The following ZFHX3 variants were observed in gnomAD, a reference collection of about 807,000 sequenced individuals.
ZFHX3 encodes zinc finger homeobox protein 3.
A neutral mutation model predicts 279.1 loss-of-function variants in ZFHX3; 42 were observed. The observed-to-expected ratio is 0.15, with a 90% CI of 0.12 to 0.19. The LOEUF (loss-of-function observed/expected upper bound fraction) is 0.19, where lower values mean the gene tolerates loss of function less well. Ranked by LOEUF, ZFHX3 falls within the 10% of genes least tolerant of loss-of-function variation. The pLI, the probability that ZFHX3 is intolerant of heterozygous loss-of-function variation, is 1.00. For synonymous variants in ZFHX3, 2,293 were observed against 1,957.8 expected, an observed-to-expected ratio of 1.17 and a Z score of -4.52; for missense variants, 4,981 against 4,754.0, an observed-to-expected ratio of 1.05 and a Z score of -1.40.
At chr16:73,155,184 A>AC (rs1555501455) in intron 5 of ZFHX3, among the ~76,000 whole-genome samples, 22 of 139,752 alleles carry the variant, frequency 1.6e-4, no homozygotes, top group South Asian at 2.1e-4. Context: ...AAAAAACAAA[A>AC]AAAAAAAAAA....
rs1179089696 is a variant in ZFHX3 at position 73,682,890 on chromosome 16, G to T, written c.-1607-2650C>A. ...AGAAAGAAAGAAAGAAAGAAAGAAA[G>T]AAAGAAAGAAAGAAAGAGAAAGAAA... On this transcript the variant is annotated intron_variant, in intron 1 of 17. Transcript: ENST00000641206. 4.3e-5 allele frequency among the ~76,000 whole-genome samples: 2 copies of T among 46,088 alleles called. 1 individual carries two copies. Among genetic ancestry groups the T allele is most frequent in the Non-Finnish European group, 8.3e-5 (2 of 24,116 alleles). The allele number at this position is 46,088 out of a possible 152,430, so 30.2% of individuals were successfully genotyped here.
At chr16:73,368,534 T>C (rs988856770) in intron 3 of ZFHX3, among the ~76,000 whole-genome samples, 1 of 152,182 alleles carries the variant, frequency 6.6e-6, no homozygotes, top group Non-Finnish European at 1.5e-5. Flanking sequence ...TCAGTAGTTA[T>C]TAAACTATGA....
chr16:73,180,371 GT>G (rs1054822009), intron 5 of ZFHX3, among the ~76,000 whole-genome samples: 8 of 152,088 alleles, frequency 5.3e-5, no homozygotes, highest in African/African-American at 1.9e-4. Context: ...TTACTCTGAA[GT>G]TTGGTCTAGA....
chr16:72,989,250 C>T (rs1035922246), intron 1 of ZFHX3, among the ~76,000 whole-genome samples: 17 of 151,866 alleles, frequency 1.1e-4, no homozygotes, highest in Admixed American at 4.6e-4. Context: ...CTTGGGAGGC[C>T]GAAGCGGGTG....
At chr16:72,927,928 GAGGACTAAGACTCAGTA>G (rs997274144) in intron 3 of ZFHX3, among the ~76,000 whole-genome samples, 1 of 150,998 alleles carries the variant, frequency 6.6e-6, no homozygotes, top group Non-Finnish European at 1.5e-5. Flanking sequence ...GGAAGGTGGG[GAGGACTAAGACTCAGTA>G]ATTGTTTAAT....
intron 1 of ZFHX3, among the ~76,000 whole-genome samples, chr16:73,798,871 G>A (rs928783680): frequency 6.6e-6 from 1 of 152,158 alleles, no homozygotes; most frequent in Non-Finnish European, 1.5e-5. Flanking sequence ...GAGATTTTAG[G>A]ACACGAAAAC....
At chr16:73,403,436 G>A (rs1333326940) in intron 3 of ZFHX3, among the ~76,000 whole-genome samples, 1 of 152,228 alleles carries the variant, frequency 6.6e-6, no homozygotes, top group Non-Finnish European at 1.5e-5. Context: ...ATCTGCACGG[G>A]TGTGTGAAGG....
chr16:73,681,267 G>C (rs1276838239), intron 1 of ZFHX3, among the ~76,000 whole-genome samples: 1 of 152,130 alleles, frequency 6.6e-6, no homozygotes, highest in Non-Finnish European at 1.5e-5. Flanking sequence ...TTAGAAGAGT[G>C]ATAAATAGTG....
Position 72,958,002 on chromosome 16 carries a change from C to A in ZFHX3, c.2144G>T (p.Arg715Leu). 1 of 1,606,760 alleles carries A rather than the reference C, an allele frequency of 6.2e-7. No individual in the cohort carries two copies. Among genetic ancestry groups the A allele is most frequent in the Non-Finnish European group, 8.5e-7 (1 of 1,177,086 alleles). ...KSGQPHPRLA[R>L]GESYTCGYKP... ...GTAACCACACGTGTAGCTCTCGCCT[C>A]GTGCCAGCCGGGGGTGGGGCTGCCC... The change falls in exon 2 of 10, where the codon CGA (arginine) becomes CTA (leucine). Residue 715 changes from arginine (R) to leucine (L), a missense_variant. Coordinates refer to ENST00000268489, the MANE Select transcript of ZFHX3 (RefSeq NM_006885.4).
intron 2 of ZFHX3, among the ~76,000 whole-genome samples, chr16:73,653,874 T>C (rs2052695374): frequency 6.6e-6 from 1 of 151,994 alleles, no homozygotes; most frequent in South Asian, 2.1e-4. Flanking sequence ...TGACTGCAGA[T>C]GGTGCCATCA....
chr16:73,121,679 G>A (rs1032864859), intron 7 of ZFHX3, among the ~76,000 whole-genome samples: 4 of 148,554 alleles, frequency 2.7e-5, no homozygotes, highest in East Asian at 2.0e-4. Context: ...GCAGTGGCTC[G>A]ATCTCGGCTC....
chr16:73,660,837 C>G, intron 2 of ZFHX3, among the ~76,000 whole-genome samples: 1 of 152,126 alleles, frequency 6.6e-6, no homozygotes, highest in African/African-American at 2.4e-5. Context: ...TAAACTAAAC[C>G]TAATTTTGTT....
chr16:73,286,512 T>C (rs1345126264), intron 4 of ZFHX3, among the ~76,000 whole-genome samples: 1 of 152,162 alleles, frequency 6.6e-6, no homozygotes, highest in Non-Finnish European at 1.5e-5. Context: ...CCCGGTCTCC[T>C]TGGTAAGGCT....
At chr16:73,477,183 G>A (rs1662186731) in intron 2 of ZFHX3, among the ~76,000 whole-genome samples, 1 of 152,156 alleles carries the variant, frequency 6.6e-6, no homozygotes, top group Non-Finnish European at 1.5e-5. Flanking sequence ...TCATCTATAG[G>A]AAAGTCTTCT....
At chr16:72,969,291 C>G (rs62053220) in intron 1 of ZFHX3, among the ~76,000 whole-genome samples, 12,272 of 152,058 alleles carry the variant, frequency 0.081, 539 homozygotes, top group African/African-American at 0.11. Flanking sequence ...TCCCCTTCCT[C>G]CAGCCAAGAG....
chr16:73,780,249 G>GCA (rs1959419373), intron 1 of ZFHX3, among the ~76,000 whole-genome samples: 1 of 143,374 alleles, frequency 7.0e-6, no homozygotes. Flanking sequence ...CTGGGTTCAA[G>GCA]TGATTCTTGT....
chr16:73,634,119 T>C (rs1450288622), intron 2 of ZFHX3, among the ~76,000 whole-genome samples: 1 of 152,106 alleles, frequency 6.6e-6, no homozygotes, highest in Non-Finnish European at 1.5e-5. Flanking sequence ...GATCTATCTA[T>C]GTGTACATAC....
intron 3 of ZFHX3, among the ~76,000 whole-genome samples, chr16:73,444,770 A>G (rs796776972): frequency 7.9e-5 from 12 of 152,308 alleles, no homozygotes; most frequent in African/African-American, 2.9e-4. Flanking sequence ...TGCAGCATGC[A>G]ACACCATGCA....
At chr16:73,573,849 A>G (rs2051768185) in intron 2 of ZFHX3, among the ~76,000 whole-genome samples, 1 of 152,194 alleles carries the variant, frequency 6.6e-6, no homozygotes, top group African/African-American at 2.4e-5. Context: ...GTGTGTGTGC[A>G]TATTTACATA....
Sources: allele counts gnomAD v4.1 joint callset (sites outside exome capture counted in the v4.1 genomes callset), GRCh38; gene constraint gnomAD v4.1.1; transcripts MANE v1.5; gene names NCBI Gene and HGNC (gene_info 2026-07-23, HGNC 2026-07-21).